CSMD1: variants seen among roughly 807,000 people sequenced by gnomAD.
The protein encoded by CSMD1 is CUB and sushi domain-containing protein 1.
In CSMD1, 213 loss-of-function variants were observed where a neutral mutation model predicts 417.5. The ratio of observed to expected loss-of-function variants is 0.51; its 90% CI spans 0.46 to 0.57. The LOEUF (loss-of-function observed/expected upper bound fraction) is 0.57. CSMD1 is among the 20% of genes least tolerant of loss of function. The probability of loss-of-function intolerance (pLI) is 0.00; values close to 1 mark genes in which losing one functional copy is unlikely to be tolerated. For missense variants in CSMD1, 6,923 were observed against 4,529.7 expected (o/e 1.53, Z -15.17); for synonymous variants, 2,862 against 1,736.8 (o/e 1.65, Z -16.11).
chr8:3,092,530 G>A (rs1815013336), intron 47 of CSMD1, among the ~76,000 whole-genome samples: 1 of 152,102 alleles, frequency 6.6e-6, no homozygotes, highest in African/African-American at 2.4e-5. Context: ...AAATTTACCT[G>A]TACACATTGC....
intron 3 of CSMD1, among the ~76,000 whole-genome samples, chr8:4,149,205 C>T (rs1318042491): frequency 6.6e-6 from 1 of 152,100 alleles, no homozygotes; most frequent in African/African-American, 2.4e-5. Flanking sequence ...CTCAGGTGAT[C>T]CGTCCACCTC....
chr8:3,283,999 G>T, intron 26 of CSMD1, 145 bp downstream of exon 26: 1 of 742,114 alleles, frequency 1.3e-6, no homozygotes, highest in Non-Finnish European at 2.2e-6. Context: ...ACTCTTCTCT[G>T]CAACATGCAT....
intron 8 of CSMD1, among the ~76,000 whole-genome samples, chr8:3,597,012 C>T (rs758730954): frequency 6.6e-6 from 1 of 152,090 alleles, no homozygotes; most frequent in Non-Finnish European, 1.5e-5. Context: ...AATCCAGAAC[C>T]CAGGTGCTGA....
At chr8:3,243,982 C>T (rs1799715738) in intron 26 of CSMD1, among the ~76,000 whole-genome samples, 1 of 152,108 alleles carries the variant, frequency 6.6e-6, no homozygotes, top group Non-Finnish European at 1.5e-5. Flanking sequence ...GTTTGCTTAG[C>T]ATACGCATCA....
intron 3 of CSMD1, among the ~76,000 whole-genome samples, chr8:4,273,289 T>C (rs1038098230): frequency 3.9e-5 from 6 of 152,152 alleles, no homozygotes; most frequent in African/African-American, 1.2e-4. Context: ...AATGTGAGTA[T>C]ATGTATATAA....
At position 2,954,212 on chromosome 8, in the gene CSMD1, TG is replaced by T; in HGVS notation, c.10039+11del. 1 of 1,460,880 alleles carries T rather than the reference TG, an allele frequency of 6.8e-7. No homozygotes were observed. The highest frequency in any genetic ancestry group is 9.3e-7 in the Non-Finnish European group (1 of 1,071,798). The allele number at this position is 1,460,880 out of a possible 1,614,324, so 90.5% of individuals were successfully genotyped here. A position where few individuals can be genotyped will look rare whatever the true frequency, so the allele number is the denominator to read the frequency against. On this transcript the variant is annotated intron_variant, in intron 65 of 69. Coordinates refer to ENST00000635120, the MANE Select transcript of CSMD1 (RefSeq NM_033225.6). Reference sequence around the variant, plus strand: ...ATTGGATTGAAATCTAGAACTGTTCTGGTATACAAACCTGGAGTTTTAGTAA... The same window carrying T: ...ATTGGATTGAAATCTAGAACTGTTCTGTATACAAACCTGGAGTTTTAGTAA...
intron 3 of CSMD1, among the ~76,000 whole-genome samples, chr8:4,238,959 G>A (rs1056519604): frequency 2.6e-5 from 4 of 152,298 alleles, no homozygotes; most frequent in Non-Finnish European, 5.9e-5. Flanking sequence ...TCTGTAGAGA[G>A]TAGACAGCCC....
intron 2 of CSMD1, among the ~76,000 whole-genome samples, chr8:4,474,355 G>T (rs570794073): frequency 6.6e-6 from 1 of 152,280 alleles, no homozygotes; most frequent in Admixed American, 6.5e-5. Flanking sequence ...TTTTATGCTG[G>T]TGTTGTCTAA....
intron 5 of CSMD1, among the ~76,000 whole-genome samples, chr8:3,777,992 C>T (rs979303397): frequency 6.6e-6 from 1 of 152,146 alleles, no homozygotes; most frequent in African/African-American, 2.4e-5. Context: ...GTCTCAGTAC[C>T]CACTCCAGAC....
chr8:4,826,574 G>T (rs1257998624), intron 1 of CSMD1, among the ~76,000 whole-genome samples: 1 of 152,058 alleles, frequency 6.6e-6, no homozygotes, highest in African/African-American at 2.4e-5. Context: ...AGCGTAGTTG[G>T]GATGTCCACC....
chr8:2,953,047 C>T (rs1372320640), intron 65 of CSMD1, among the ~76,000 whole-genome samples: 4 of 152,078 alleles, frequency 2.6e-5, no homozygotes, highest in South Asian at 4.1e-4. Context: ...ATAATGTTTG[C>T]ACCTACAAAA....
At chr8:4,934,703 TATCA>T (rs1807480806) in intron 1 of CSMD1, among the ~76,000 whole-genome samples, 1 of 152,204 alleles carries the variant, frequency 6.6e-6, no homozygotes, top group Non-Finnish European at 1.5e-5. Flanking sequence ...ATCTATAATC[TATCA>T]ATCAGTTTTC....
intron 2 of CSMD1, among the ~76,000 whole-genome samples, chr8:4,449,184 ATTC>A (rs1004646544): frequency 6.6e-5 from 10 of 152,052 alleles, no homozygotes; most frequent in Admixed American, 6.5e-4. Flanking sequence ...AAGCAAGTAC[ATTC>A]TTCTACAATA....
At chr8:4,754,647 C>A (rs1209803939) in intron 1 of CSMD1, among the ~76,000 whole-genome samples, 1 of 151,488 alleles carries the variant, frequency 6.6e-6, no homozygotes, top group Non-Finnish European at 1.5e-5. Flanking sequence ...GTCAGGAGAT[C>A]GAGACAATCC....
intron 2 of CSMD1, among the ~76,000 whole-genome samples, chr8:4,589,610 CA>C (rs1281340557): frequency 6.6e-6 from 1 of 152,106 alleles, no homozygotes; most frequent in Non-Finnish European, 1.5e-5. Context: ...ACTCATTACT[CA>C]AAAAGTGTTC....
Position 4,374,292 on chromosome 8 carries a change from C to A in CSMD1, c.415+45661G>T, listed in dbSNP as rs181771543. ...TTAATACAGCCTACCTACTGTTATG[C>A]TGTATTAGAGTACAATATAATTACA... On this transcript the variant is annotated intron_variant, in intron 3 of 69. Coordinates refer to ENST00000635120, the MANE Select transcript of CSMD1 (RefSeq NM_033225.6). Among the ~76,000 whole-genome samples the A allele has an allele frequency of 2.0e-5, 3 of 152,122 alleles. No homozygotes were observed. The East Asian group carries it at 5.8e-4, about 29-fold the overall frequency.
chr8:4,236,806 A>T (rs1802092959), intron 3 of CSMD1, among the ~76,000 whole-genome samples: 1 of 152,228 alleles, frequency 6.6e-6, no homozygotes, highest in African/African-American at 2.4e-5. Flanking sequence ...AGCCCAAATT[A>T]TTAAGTCTAT....
intron 5 of CSMD1, among the ~76,000 whole-genome samples, chr8:3,803,640 G>T (rs1039726135): frequency 1.3e-5 from 2 of 152,156 alleles, no homozygotes; most frequent in Admixed American, 6.5e-5. Context: ...AGCCTGGAAG[G>T]AGAGGAGGGT....
At chr8:4,446,283 C>A (rs1254673258) in intron 2 of CSMD1, among the ~76,000 whole-genome samples, 1 of 152,168 alleles carries the variant, frequency 6.6e-6, no homozygotes, top group African/African-American at 2.4e-5. Context: ...AGTGGTGGCT[C>A]ATGCCCGTAA....
Sources: allele counts gnomAD v4.1 joint callset (sites outside exome capture counted in the v4.1 genomes callset), GRCh38; gene constraint gnomAD v4.1.1; transcripts MANE v1.5; gene names NCBI Gene and HGNC (gene_info 2026-07-23, HGNC 2026-07-21).